The following FER1L6 variants were observed in gnomAD, a reference collection of about 807,000 sequenced individuals.
FER1L6 encodes fer-1-like protein 6.
FER1L6 carries 177 observed loss-of-function variants against 219.2 expected under a neutral mutation model. That is an observed-to-expected ratio of 0.81 (90% CI 0.71 to 0.91). FER1L6 has a LOEUF of 0.91. Among genes scored for constraint, FER1L6 ranks in the 40% least tolerant of loss-of-function variants. The probability of loss-of-function intolerance (pLI) is 0.00; values close to 1 mark genes in which losing one functional copy is unlikely to be tolerated. For missense variants in FER1L6, 2,153 were observed against 2,259.9 expected (o/e 0.95, Z 0.96); for synonymous variants, 768 against 824.3 (o/e 0.93, Z 1.17).
At position 123,873,617 on chromosome 8, in the gene FER1L6, A is replaced by T. The variant is rs7013195; in HGVS notation, c.-8+21432A>T. Among the ~76,000 whole-genome samples the T allele has an allele frequency of 2.0e-5, 3 of 152,240 alleles. No individual in the cohort carries two copies. In the East Asian group the frequency reaches 5.8e-4, roughly 29 times the overall value. On this transcript the variant is annotated intron_variant, in intron 1 of 40. Coordinates refer to ENST00000522917, the MANE Select transcript of FER1L6 (RefSeq NM_001039112.2). ...AGCATCTGCTAGCCTTCTCTGTTGC[A>T]ACCCTGTGCAGGTGACATCCCCCAA...
intron 15 of FER1L6, among the ~76,000 whole-genome samples, chr8:124,015,417 A>G (rs1246128845): frequency 6.6e-6 from 1 of 151,812 alleles, no homozygotes; most frequent in Admixed American, 6.6e-5. Flanking sequence ...AAAGGAGTGG[A>G]AATTCATCTG....
chr8:124,069,519 G>T (rs1028174823), intron 29 of FER1L6, 44 bp downstream of exon 29: 3 of 1,414,146 alleles, frequency 2.1e-6, no homozygotes, highest in Non-Finnish European at 2.9e-6. Context: ...GGGGAGGGAT[G>T]CTCAGCAATG....
rs117410953 is a variant in FER1L6 at position 123,926,520 on chromosome 8, G to T, written c.-7-29472G>T. Among the ~76,000 whole-genome samples the T allele has an allele frequency of 4.7e-3, 713 of 152,278 alleles. 1 individual carries two copies. The highest frequency in any genetic ancestry group is 0.017 in the Middle Eastern group (5 of 294). Reference sequence around the variant, plus strand: ...GCAGGATGTAAGTTCAGGTTATGGTGGGGGAGGCAAACCTTGTCTAACATT... The same window carrying T: ...GCAGGATGTAAGTTCAGGTTATGGTTGGGGAGGCAAACCTTGTCTAACATT... On this transcript the variant is annotated intron_variant, in intron 1 of 40. Coordinates refer to ENST00000522917, the MANE Select transcript of FER1L6 (RefSeq NM_001039112.2).
At chr8:123,877,693 T>C (rs922119442) in intron 1 of FER1L6, among the ~76,000 whole-genome samples, 1 of 151,484 alleles carries the variant, frequency 6.6e-6, no homozygotes, top group Admixed American at 6.6e-5. Context: ...CCATAACATA[T>C]CTTTCAAAAA....
At chr8:124,118,309 T>C (rs184047353) in intron 39 of FER1L6, among the ~76,000 whole-genome samples, 4 of 152,290 alleles carry the variant, frequency 2.6e-5, no homozygotes, top group Admixed American at 2.0e-4. Flanking sequence ...ATAGGCCATC[T>C]CTTATTGAGG....
chr8:124,093,003 T>C (rs1267439434), intron 34 of FER1L6, among the ~76,000 whole-genome samples: 1 of 152,038 alleles, frequency 6.6e-6, no homozygotes, highest in African/African-American at 2.4e-5. Flanking sequence ...TTTGTATTTT[T>C]AGTAGAGTCG....
At chr8:123,857,446 G>A (rs1473723468) in intron 1 of FER1L6, among the ~76,000 whole-genome samples, 1 of 152,134 alleles carries the variant, frequency 6.6e-6, no homozygotes, top group East Asian at 1.9e-4. Flanking sequence ...GGAGTTCAAG[G>A]TTACAATGAG....
intron 1 of FER1L6, among the ~76,000 whole-genome samples, chr8:123,918,389 T>A (rs1586464077): frequency 6.6e-6 from 1 of 152,274 alleles, no homozygotes; most frequent in East Asian, 1.9e-4. Context: ...ATTTAATTAG[T>A]CCCCAGTTGA....
rs533037321 is a variant in FER1L6, at chr8:123,875,143, C to A, written c.-8+22958C>A. On this transcript the variant is annotated intron_variant, in intron 1 of 40. Coordinates refer to ENST00000522917, the MANE Select transcript of FER1L6 (RefSeq NM_001039112.2). Reference sequence around the variant, plus strand: ...CCGGGAGGTGGAGGTTGCAGTGAGCCAAGATGACACTACTGCACTCCAGCC... The same window carrying A: ...CCGGGAGGTGGAGGTTGCAGTGAGCAAAGATGACACTACTGCACTCCAGCC... Among the ~76,000 whole-genome samples, 5 of 152,062 alleles carry A rather than the reference C, an allele frequency of 3.3e-5. No homozygotes were observed. The South Asian group carries it at 1.0e-3, about 32-fold the overall frequency.
intron 17 of FER1L6, 117 bp downstream of exon 17, chr8:124,021,786 G>A: frequency 8.8e-7 from 1 of 1,130,332 alleles, no homozygotes; most frequent in Non-Finnish European, 1.3e-6. Context: ...CAGCCCTAGT[G>A]GGCTACGCAG....
At chr8:123,874,234 A>G (rs1319419497) in intron 1 of FER1L6, among the ~76,000 whole-genome samples, 1 of 152,096 alleles carries the variant, frequency 6.6e-6, no homozygotes, top group Non-Finnish European at 1.5e-5. Context: ...TATCTCTTCT[A>G]CTTTCCCAGA....
At chr8:123,963,228 C>A in intron 2 of FER1L6, 50 bp from the exon 3 acceptor site, 2 of 1,607,524 alleles carry the variant, frequency 1.2e-6, no homozygotes. Context: ...GGCTCGATTG[C>A]CACCACATGT....
At position 124,119,775 on chromosome 8, in the gene FER1L6, C is replaced by T. The variant is rs369999639; in HGVS notation, c.5559C>T (p.Ile1853=). 1.2e-5 allele frequency: 19 copies of T among 1,613,806 alleles called. No homozygotes were observed. The highest frequency in any genetic ancestry group is 1.1e-4 in the African/African-American group (8 of 74,922). Residue 1853 remains isoleucine, a synonymous_variant, in exon 41 of 41, where the codon ATC becomes ATT. Coordinates refer to ENST00000522917, the MANE Select transcript of FER1L6 (RefSeq NM_001039112.2). ...YTLPGAISRR[I]VVGS is the part of the protein sequence containing the mutation. The stretch of plus-strand genomic sequence containing the variant: ...TGCCAGGAGCCATCAGCCGAAGGAT[C>T]GTTGTGGGCTCATAGAGGATCATGG...
chr8:123,862,969 C>G (rs1477233655), intron 1 of FER1L6, among the ~76,000 whole-genome samples: 4 of 144,940 alleles, frequency 2.8e-5, no homozygotes, highest in Admixed American at 2.7e-4. Context: ...TTTTTTGTGC[C>G]TCTATTTCCT....
At chr8:123,863,074 G>T (rs1424824848) in intron 1 of FER1L6, among the ~76,000 whole-genome samples, 2 of 133,280 alleles carry the variant, frequency 1.5e-5, no homozygotes, top group Admixed American at 7.2e-5. Context: ...GTGATGTCAG[G>T]GTGTCAATTT....
chr8:124,069,460 C>A lies in FER1L6; in HGVS notation c.3819C>A (p.Asn1273Lys), dbSNP rs1247270947. ...KKKPKDDGIP[N>K]LAILQIYDGD... is the part of the protein sequence containing the mutation. ...AACCCAAAGATGATGGAATCCCCAA[C>A]CTGGCCATCTTGCAGGTATGTGGGG... is the stretch of plus-strand genomic sequence containing the variant. The change falls in exon 29 of 41, where the codon AAC (asparagine) becomes AAA (lysine). Residue 1273 changes from asparagine (N) to lysine (K), a missense_variant. Transcript: ENST00000522917. 3.7e-6 allele frequency: 6 copies of A among 1,608,982 alleles called. No individual in the cohort carries two copies. The South Asian group carries it at 6.7e-5, about 18-fold the overall frequency.
At chr8:123,928,963 T>C (rs183942851) in intron 1 of FER1L6, among the ~76,000 whole-genome samples, 1 of 152,166 alleles carries the variant, frequency 6.6e-6, no homozygotes, top group East Asian at 1.9e-4. Flanking sequence ...TAATTACCAG[T>C]GAAATAGGTA....
intron 12 of FER1L6, among the ~76,000 whole-genome samples, chr8:123,996,703 TCTTC>T (rs1207216337): frequency 6.6e-6 from 1 of 152,122 alleles, no homozygotes; most frequent in Non-Finnish European, 1.5e-5. Context: ...GTCTTCCTTT[TCTTC>T]CTTCCTGTCT....
At chr8:124,053,705 A>C (rs1177386417) in intron 22 of FER1L6, among the ~76,000 whole-genome samples, 2 of 152,082 alleles carry the variant, frequency 1.3e-5, no homozygotes, top group Admixed American at 1.3e-4. Flanking sequence ...CAAAACATAA[A>C]AATTCAGCCG....
Sources: gnomAD v4.1 joint callset for allele counts (sites outside exome capture counted in the v4.1 genomes callset) on GRCh38, gnomAD v4.1.1 for gene constraint, MANE v1.5 for transcripts, NCBI Gene and HGNC (gene_info 2026-07-23, HGNC 2026-07-21) for gene names.